Variants in SLC35D2 observed in about 807,000 individuals in gnomAD.
SLC35D2 encodes solute carrier family 35 member D2.
Under a neutral mutation model 41.8 loss-of-function variants are expected in SLC35D2, and 43 were observed. The ratio of observed to expected loss-of-function variants is 1.03; its 90% CI spans 0.81 to 1.33. SLC35D2 has a LOEUF of 1.33. SLC35D2 is among the 40% of genes most tolerant of loss of function. The probability of loss-of-function intolerance (pLI) is 0.00; values close to 1 mark genes in which losing one functional copy is unlikely to be tolerated. For missense variants in SLC35D2, 380 were observed against 408.4 expected (o/e 0.93, Z 0.60); for synonymous variants, 150 against 163.9 (o/e 0.92, Z 0.65).
intron 3 of SLC35D2, among the ~76,000 whole-genome samples, chr9:96,362,606 A>G (rs1321433903): frequency 6.6e-6 from 1 of 152,286 alleles, no homozygotes; most frequent in Non-Finnish European, 1.5e-5. Context: ...GATAGTGGGT[A>G]AGGAAGACTT....
intron 1 of SLC35D2, among the ~76,000 whole-genome samples, chr9:96,374,399 T>G (rs1316070346): frequency 2.0e-5 from 3 of 151,840 alleles, no homozygotes; most frequent in Non-Finnish European, 4.4e-5. Context: ...CTGGGCATAG[T>G]GGCTTGCGCC....
At chr9:96,335,995 A>T (rs1829033385) in intron 9 of SLC35D2, among the ~76,000 whole-genome samples, 1 of 151,250 alleles carries the variant, frequency 6.6e-6, no homozygotes, top group Admixed American at 6.6e-5. Context: ...GGTTGCAGTA[A>T]GCCAAGATTG....
At chr9:96,358,548 T>C (rs1830132978) in intron 4 of SLC35D2, among the ~76,000 whole-genome samples, 1 of 152,190 alleles carries the variant, frequency 6.6e-6, no homozygotes, top group Non-Finnish European at 1.5e-5. Context: ...GAATCCATGA[T>C]AGGAAAACAC....
intron 4 of SLC35D2, among the ~76,000 whole-genome samples, chr9:96,355,383 C>T (rs572472114): frequency 6.6e-6 from 1 of 151,640 alleles, no homozygotes; most frequent in Non-Finnish European, 1.5e-5. Flanking sequence ...ACTTGGGAGG[C>T]TGAGACAAGA....
chr9:96,327,288 T>C (rs1828580925), intron 9 of SLC35D2, among the ~76,000 whole-genome samples: 1 of 152,224 alleles, frequency 6.6e-6, no homozygotes, highest in Non-Finnish European at 1.5e-5. Context: ...GATCTGGCTA[T>C]ATTACCCAGG....
At chr9:96,329,994 C>T (rs973241443) in intron 9 of SLC35D2, among the ~76,000 whole-genome samples, 1 of 152,224 alleles carries the variant, frequency 6.6e-6, no homozygotes, top group African/African-American at 2.4e-5. Flanking sequence ...ATGCCAGTAG[C>T]GTGGCTTAGG....
Position 96,320,721 on chromosome 9 carries a change from T to G in SLC35D2, c.*521A>C, listed in dbSNP as rs1199246149. 1 of 152,328 alleles carries G rather than the reference T, an allele frequency of 6.6e-6. No individual in the cohort carries two copies. Among genetic ancestry groups the G allele is most frequent in the African/African-American group, 2.4e-5 (1 of 41,454 alleles). 9.4% of individuals were successfully genotyped at this position (152,328 alleles called of 1,614,324 possible). ...TGATGAGGCATACATAGAAATGATT[T>G]TTTATTTACTTTGATGATTAGGGAA... On this transcript the variant is annotated 3_prime_UTR_variant, in exon 12 of 12. Coordinates refer to ENST00000253270, the MANE Select transcript of SLC35D2 (RefSeq NM_007001.3).
intron 8 of SLC35D2, among the ~76,000 whole-genome samples, chr9:96,343,282 T>C (rs767045068): frequency 2.0e-5 from 3 of 152,226 alleles, no homozygotes; most frequent in East Asian, 3.9e-4. Context: ...CAGCAGCAGA[T>C]ACGGTTTCAG....
At chr9:96,344,712 G>GGGGGTGGGGGA (rs1444414648) in intron 7 of SLC35D2, among the ~76,000 whole-genome samples, 3 of 146,734 alleles carry the variant, frequency 2.0e-5, no homozygotes, top group Non-Finnish European at 4.5e-5. Flanking sequence ...TGTAACAGCT[G>GGGGGTGGGGGA]GGGGTGGGGG....
rs187035158 is a variant in SLC35D2, at chr9:96,360,401, T to C, written c.280-180A>G. The stretch of plus-strand genomic sequence containing the variant: ...ATCCCAGCACTCTGGGAGGCCAAGG[T>C]AGGCGGATCACGAGGTCAGGAGTTC... On this transcript the variant is annotated intron_variant, in intron 3 of 11. Coordinates refer to ENST00000253270, the MANE Select transcript of SLC35D2 (RefSeq NM_007001.3). Among the ~76,000 whole-genome samples the C allele has an allele frequency of 2.7e-3, 416 of 151,902 alleles. 3 individuals are homozygous for C. Among genetic ancestry groups the C allele is most frequent in the Non-Finnish European group, 4.2e-3 (285 of 67,944 alleles).
intron 4 of SLC35D2, among the ~76,000 whole-genome samples, chr9:96,355,521 G>A (rs558883178): frequency 1.3e-5 from 2 of 151,230 alleles, no homozygotes; most frequent in South Asian, 2.1e-4. Context: ...TTTTTGAGAC[G>A]GAGTTTCGCT....
intron 6 of SLC35D2, among the ~76,000 whole-genome samples, chr9:96,350,347 C>CTTTTTTTTTTTTTTTTTTTTTT (rs57531044): frequency 1.1e-5 from 1 of 90,992 alleles, no homozygotes; most frequent in African/African-American, 5.0e-5. Flanking sequence ...ATTTTCTTTC[C>CTTTTTTTTTTTTTTTTTTTTTT]TTTTTTTTTT....
rs780369562 is a variant in SLC35D2, at chr9:96,383,427, G to A, written c.158+50C>T. The A allele has an allele frequency of 5.5e-6, 8 of 1,452,488 alleles. 1 individual carries two copies. In the Admixed American group the frequency reaches 6.5e-5, roughly 12 times the overall value. The allele number at this position is 1,452,488 out of a possible 1,614,324, so 90.0% of individuals were successfully genotyped here. A position where few individuals can be genotyped will look rare whatever the true frequency, so the allele number is the denominator to read the frequency against. ...GCGCCGCTGAAGCGCACGGAGGACA[G>A]GGGCAGCCCCGCACTCCCGCAGACC... On this transcript the variant is annotated intron_variant, in intron 1 of 11. Coordinates refer to ENST00000253270, the MANE Select transcript of SLC35D2 (RefSeq NM_007001.3).
At chr9:96,324,332 G>A (rs1409768645) in intron 9 of SLC35D2, among the ~76,000 whole-genome samples, 163 bp from the exon 10 acceptor site, 2 of 152,120 alleles carry the variant, frequency 1.3e-5, no homozygotes. Flanking sequence ...TGTTGCTATT[G>A]GTCTTATGAC....
rs981660017 is a variant in SLC35D2 at position 96,381,026 on chromosome 9, G to A, written c.158+2451C>T. 6.6e-5 allele frequency among the ~76,000 whole-genome samples: 10 copies of A among 152,236 alleles called. No homozygotes were observed. In the East Asian group the frequency reaches 1.4e-3, roughly 21 times the overall value. ...CGCTGCTATGCCCTGCCCAGTCCAC[G>A]CCGTCTTTACCTGCAGCCCTGCAGT... On this transcript the variant is annotated intron_variant, in intron 1 of 11. Coordinates refer to ENST00000253270, the MANE Select transcript of SLC35D2 (RefSeq NM_007001.3).
At chr9:96,332,171 G>A (rs551832487) in intron 9 of SLC35D2, among the ~76,000 whole-genome samples, 9 of 152,216 alleles carry the variant, frequency 5.9e-5, no homozygotes, top group African/African-American at 1.7e-4. Flanking sequence ...GAGCAAGTCC[G>A]AAATGCAAAC....
At chr9:96,365,040 C>CAAAAAAAAA in intron 2 of SLC35D2, among the ~76,000 whole-genome samples, 1 of 49,384 alleles carries the variant, frequency 2.0e-5, no homozygotes, top group Non-Finnish European at 4.1e-5. Context: ...ACCACTGTCT[C>CAAAAAAAAA]AAAAAAAAAA....
At chr9:96,346,421 C>A (rs10990661) in intron 6 of SLC35D2, among the ~76,000 whole-genome samples, 1 of 152,272 alleles carries the variant, frequency 6.6e-6, no homozygotes, top group East Asian at 1.9e-4. Flanking sequence ...TATGCAGATG[C>A]ATCTCAGGGC....
At chr9:96,342,637 G>A (rs76796615) in intron 8 of SLC35D2, among the ~76,000 whole-genome samples, 2,408 of 152,266 alleles carry the variant, frequency 0.016, 58 homozygotes, top group African/African-American at 0.054. Context: ...GAAAAAGAGA[G>A]CTCTTTATCG....
Sources: gnomAD v4.1 joint callset for allele counts (sites outside exome capture counted in the v4.1 genomes callset) on GRCh38, gnomAD v4.1.1 for gene constraint, MANE v1.5 for transcripts, NCBI Gene and HGNC (gene_info 2026-07-23, HGNC 2026-07-21) for gene names.